Variants in C8B observed in about 807,000 individuals in gnomAD.
The protein encoded by C8B is complement component C8 beta chain.
In C8B, 67 loss-of-function variants were observed where a neutral mutation model predicts 64.6. The observed-to-expected ratio is 1.04, with a 90% CI of 0.85 to 1.27. C8B has a LOEUF of 1.27. C8B is among the 50% of genes most tolerant of loss of function. The pLI is 0.00. For synonymous variants in C8B, 284 were observed against 257.7 expected, an observed-to-expected ratio of 1.10 and a Z score of -0.98; for missense variants, 790 against 725.2, an observed-to-expected ratio of 1.09 and a Z score of -1.03.
chr1:56,929,533 A>G lies in C8B; in HGVS notation c.1647T>C (p.Asn549=), dbSNP rs1644665166. Residue 549 remains asparagine, a synonymous_variant, in exon 12 of 12, where the codon AAT becomes AAC. Transcript: ENST00000371237. The part of the protein sequence containing the change: ...RKNTPIDGKW[N]CWSNWSSCSG... ...AGCATGAAGACCAATTTGACCAGCA[A>G]TTCCACTTCCCATCAATGGGGGTAT... The G allele has an allele frequency of 6.2e-7, 1 of 1,613,902 alleles. No individual in the cohort carries two copies. The highest frequency in any genetic ancestry group is 8.5e-7 in the Non-Finnish European group (1 of 1,179,848).
In C8B at chr1:56,952,072, G is replaced by T; in HGVS notation, c.642C>A (p.Tyr214Ter). The T allele has an allele frequency of 1.2e-6, 2 of 1,614,080 alleles. No homozygotes were observed. The highest frequency in any genetic ancestry group is 1.7e-6 in the Non-Finnish European group (2 of 1,179,994). The change falls in exon 5 of 12, where the codon TAC becomes TAA. Residue 214 changes from tyrosine to a stop codon, truncating the protein, a stop_gained. Coordinates refer to ENST00000371237, the MANE Select transcript of C8B (RefSeq NM_000066.4). LOFTEE classifies it high-confidence loss of function. ...YILNTRFRKP[Y>*]NVESYTPQTQ... ...CCTGTGGCGTGTAGCTTTCCACATT[G>T]TAGGGCTTCCTAAACCTCGTGTTCA...
rs569881575 is a variant in C8B at position 56,941,395 on chromosome 1, T to C, written c.1235-383A>G. Among the ~76,000 whole-genome samples the C allele has an allele frequency of 3.9e-5, 6 of 152,040 alleles. No individual in the cohort carries two copies. The East Asian group carries it at 9.7e-4, about 25-fold the overall frequency. ...GTAGATAGGAGAGTAGATAGGAAGA[T>C]AGATGATAGGTAAGTAGGTAGATAG... On this transcript the variant is annotated intron_variant, in intron 8 of 11. Coordinates refer to ENST00000371237, the MANE Select transcript of C8B (RefSeq NM_000066.4).
intron 9 of C8B, among the ~76,000 whole-genome samples, chr1:56,934,985 A>G (rs1644755754): frequency 6.6e-6 from 1 of 152,170 alleles, no homozygotes; most frequent in African/African-American, 2.4e-5. Flanking sequence ...CCTTCCATAT[A>G]TACTGTGTCC....
chr1:56,960,078 T>C lies in C8B; in HGVS notation c.191A>G (p.Asp64Gly). 1.2e-6 allele frequency: 2 copies of C among 1,614,096 alleles called. No homozygotes were observed. The highest frequency in any genetic ancestry group is 1.7e-6 in the Non-Finnish European group (2 of 1,179,996). The stretch of plus-strand genomic sequence containing the variant: ...AGAGGACCAACTAGACAGCTCACAA[T>C]CAATGGGCATCAGGGTAACATCCAC... ...RSVDVTLMPI[D>G]CELSSWSSWT... The change falls in exon 2 of 12, where the codon GAT (aspartate) becomes GGT (glycine). Residue 64 changes from aspartate to glycine, a missense_variant. Transcript: ENST00000371237.
In C8B at chr1:56,965,392, A is replaced by T. The variant is rs201517531; in HGVS notation, c.92+465T>A. Among the ~76,000 whole-genome samples, 618 of 92,968 alleles carry T rather than the reference A, an allele frequency of 6.6e-3. 11 individuals are homozygous for T. The East Asian group carries it at 0.084, about 13-fold the overall frequency. 61.0% of individuals were successfully genotyped at this position (92,968 alleles called of 152,430 possible). On this transcript the variant is annotated intron_variant, in intron 1 of 11. Transcript: ENST00000371237. ...CTTGTGGGGGGTGAGAGAGAGAGAG[A>T]GAGAGAGTGTGTGTGTGTGTGTGTG...
chr1:56,958,420 T>G (rs1033107122), intron 2 of C8B, among the ~76,000 whole-genome samples: 3 of 152,130 alleles, frequency 2.0e-5, no homozygotes, highest in Non-Finnish European at 4.4e-5. Flanking sequence ...CTATGCCCTT[T>G]GTACTTGCAA....
At chr1:56,965,621 A>G (rs973097286) in intron 1 of C8B, among the ~76,000 whole-genome samples, 1 of 152,228 alleles carries the variant, frequency 6.6e-6, no homozygotes, top group Non-Finnish European at 1.5e-5. Context: ...TCTTCTCAGC[A>G]TGACAAAATA....
At chr1:56,942,295 T>A (rs1287604409) in intron 8 of C8B, among the ~76,000 whole-genome samples, 1 of 152,190 alleles carries the variant, frequency 6.6e-6, no homozygotes, top group Non-Finnish European at 1.5e-5. Context: ...TACTAAACAG[T>A]GGCCACTATA....
In C8B at chr1:56,946,075, C is replaced by CTAAAATGAAAATTCT. The variant is rs1644938004; in HGVS notation, c.865-15_865-14insAGAATTTTCATTTTA. On this transcript the variant is annotated splice_polypyrimidine_tract_variant and intron_variant, in intron 6 of 11. Transcript: ENST00000371237. ...AAATACGCTTTTCTAAATGAAATACCAACATGGGAAAACCAGACCTTTAAA... is the reference window on the plus strand; with the variant it reads ...AAATACGCTTTTCTAAATGAAATACCTAAAATGAAAATTCTAACATGGGAAAACCAGACCTTTAAA... 6.2e-7 allele frequency: 1 copy of CTAAAATGAAAATTCT among 1,613,706 alleles called. No individual in the cohort carries two copies. Among genetic ancestry groups the CTAAAATGAAAATTCT allele is most frequent in the Non-Finnish European group, 8.5e-7 (1 of 1,179,948 alleles).
rs55749099 is a variant in C8B, at chr1:56,956,779, A to C, written c.381T>G (p.Cys127Trp). Residue 127 changes from cysteine (C) to tryptophan (W), a missense_variant, in exon 3 of 12, where the codon TGT becomes TGG. By Grantham distance (215) the Cys-to-Trp change is radical. Coordinates refer to ENST00000371237, the MANE Select transcript of C8B (RefSeq NM_000066.4). ...TACATTGATTTATACCTGTCTGTGC[A>C]CACACAAAGCCTTCACATCGCACTT... ...GSQVRCEGFV[C>W]AQTGRCVNRR... 2.5e-6 allele frequency: 4 copies of C among 1,614,004 alleles called. No homozygotes were observed. The East Asian group carries it at 6.7e-5, about 27-fold the overall frequency.
intron 7 of C8B, among the ~76,000 whole-genome samples, chr1:56,945,401 C>T (rs1021231259): frequency 1.4e-4 from 22 of 152,170 alleles, no homozygotes; most frequent in African/African-American, 2.7e-4. Flanking sequence ...ATGTAGATGG[C>T]TATAGAATAA....
At chr1:56,956,193 A>T (rs1407670896) in intron 3 of C8B, among the ~76,000 whole-genome samples, 1 of 152,200 alleles carries the variant, frequency 6.6e-6, no homozygotes, top group Non-Finnish European at 1.5e-5. Flanking sequence ...TAACTGCCCT[A>T]TGTAACCGTT....
chr1:56,959,593 G>T (rs1441739881), intron 2 of C8B: 1 of 1,535,536 alleles, frequency 6.5e-7, no homozygotes, highest in Admixed American at 2.0e-5. Context: ...AGTGTCCATT[G>T]TGCTGGAAAT....
At chr1:56,932,705 C>T (rs668451) in intron 10 of C8B, among the ~76,000 whole-genome samples, 48,762 of 151,988 alleles carry the variant, frequency 0.32, 8,343 homozygotes, top group East Asian at 0.52. Flanking sequence ...GCAACTGGAC[C>T]CTTTCTGCCT....
chr1:56,938,263 G>A (rs919511147), intron 9 of C8B, among the ~76,000 whole-genome samples: 5 of 152,128 alleles, frequency 3.3e-5, no homozygotes, highest in Non-Finnish European at 7.3e-5. Flanking sequence ...TTAAGAACAT[G>A]TTTATAACAC....
chr1:56,947,694 G>C (rs955199939), intron 6 of C8B, among the ~76,000 whole-genome samples: 31 of 152,260 alleles, frequency 2.0e-4, no homozygotes, highest in African/African-American at 7.0e-4. Flanking sequence ...CACTTTGGGA[G>C]GCCAAGGCAG....
chr1:56,944,426 C>T (rs1644912465), intron 7 of C8B, among the ~76,000 whole-genome samples: 1 of 152,150 alleles, frequency 6.6e-6, no homozygotes, highest in African/African-American at 2.4e-5. Context: ...CACTCTGAGG[C>T]CAGTTCAGGG....
At chr1:56,937,958 G>C (rs1194407799) in intron 9 of C8B, among the ~76,000 whole-genome samples, 1 of 152,170 alleles carries the variant, frequency 6.6e-6, no homozygotes, top group East Asian at 1.9e-4. Flanking sequence ...GGGCCAGTTT[G>C]ACTTTTATTC....
At chr1:56,952,383 G>C (rs72670367) in intron 4 of C8B, among the ~76,000 whole-genome samples, 3,844 of 152,258 alleles carry the variant, frequency 0.025, 64 homozygotes, top group Non-Finnish European at 0.04. Context: ...ATGTGAAGAG[G>C]CTTGCTCTTG....
Sources: gnomAD v4.1 joint callset for allele counts (sites outside exome capture counted in the v4.1 genomes callset) on GRCh38, gnomAD v4.1.1 for gene constraint, MANE v1.5 for transcripts, NCBI Gene and HGNC (gene_info 2026-07-23, HGNC 2026-07-21) for gene names.